Variants in ADGRB3 observed in about 807,000 individuals in gnomAD.
The protein encoded by ADGRB3 is brain-specific angiogenesis inhibitor 3.
In ADGRB3, 37 loss-of-function variants were observed where a neutral mutation model predicts 193.4. That is an observed-to-expected ratio of 0.19 (90% CI 0.15 to 0.25). The LOEUF (loss-of-function observed/expected upper bound fraction) is 0.25, where lower values mean the gene tolerates loss of function less well. Ranked by LOEUF, ADGRB3 falls within the 10% of genes least tolerant of loss-of-function variation. ADGRB3 has a pLI of 1.00. For synonymous variants in ADGRB3, 690 were observed against 644.2 expected (o/e 1.07, Z -1.08); for missense variants, 1,637 against 1,852.9 (o/e 0.88, Z 2.14).
chr6:69,105,576 C>T (rs1014202585), intron 17 of ADGRB3, among the ~76,000 whole-genome samples: 3 of 152,206 alleles, frequency 2.0e-5, no homozygotes, highest in Non-Finnish European at 4.4e-5. Context: ...TCTTACCTCT[C>T]CCCAAACTCC....
At chr6:69,032,883 T>C (rs868818489) in intron 13 of ADGRB3, among the ~76,000 whole-genome samples, 56 of 152,108 alleles carry the variant, frequency 3.7e-4, no homozygotes, top group African/African-American at 1.4e-3. Context: ...CTCTCCTGTA[T>C]AGTTGTCAAG....
At chr6:68,846,688 A>G (rs187612002) in intron 3 of ADGRB3, among the ~76,000 whole-genome samples, 3 of 152,238 alleles carry the variant, frequency 2.0e-5, no homozygotes, top group African/African-American at 7.2e-5. Context: ...AGCTCCACCT[A>G]GATTTCAGAA....
chr6:69,322,537 T>C (rs1488666319), intron 20 of ADGRB3, among the ~76,000 whole-genome samples: 1 of 151,930 alleles, frequency 6.6e-6, no homozygotes, highest in Non-Finnish European at 1.5e-5. Context: ...TTTTTACTAA[T>C]AGCCATTCTG....
In ADGRB3 at chr6:69,001,523, A is replaced by C. The variant is rs967234381; in HGVS notation, c.1929+7561A>C. Among the ~76,000 whole-genome samples, 7 of 152,220 alleles carry C rather than the reference A, an allele frequency of 4.6e-5. No individual in the cohort carries two copies. The South Asian group carries it at 8.3e-4, about 18-fold the overall frequency. ...GAAAGAGTGGGGAAGGAGGGGGAAT[A>C]AGCCCATGGAGGTGCTATGGCAGTG... On this transcript the variant is annotated intron_variant, in intron 11 of 31. Transcript: ENST00000370598.
chr6:68,842,621 T>C (rs1768181299), intron 3 of ADGRB3, among the ~76,000 whole-genome samples: 1 of 151,962 alleles, frequency 6.6e-6, no homozygotes, highest in South Asian at 2.1e-4. Flanking sequence ...CTACTCAAAC[T>C]AGTTTTGCAA....
chr6:69,199,404 A>G (rs1423414974), intron 17 of ADGRB3, among the ~76,000 whole-genome samples: 1 of 152,102 alleles, frequency 6.6e-6, no homozygotes, highest in Non-Finnish European at 1.5e-5. Context: ...GATAGTAGTA[A>G]TAATCTGCAT....
Position 68,785,576 on chromosome 6 carries a change from T to C in ADGRB3, c.758-144983T>C, listed in dbSNP as rs922332148. ...TATCGTTGTTGGACATTTGAGTTGGTTCCAAGTCTTTGCTATTGTGAATAG... is the reference window on the plus strand; with the variant it reads ...TATCGTTGTTGGACATTTGAGTTGGCTCCAAGTCTTTGCTATTGTGAATAG... On this transcript the variant is annotated intron_variant, in intron 3 of 31. Coordinates refer to ENST00000370598, the MANE Select transcript of ADGRB3 (RefSeq NM_001704.3). Among the ~76,000 whole-genome samples, 59 of 152,080 alleles carry C rather than the reference T, an allele frequency of 3.9e-4. 1 individual carries two copies. Among genetic ancestry groups the C allele is most frequent in the Non-Finnish European group, 5.9e-5 (4 of 68,020 alleles).
At chr6:68,639,650 C>T (rs1768036432) in intron 3 of ADGRB3, among the ~76,000 whole-genome samples, 2 of 152,104 alleles carry the variant, frequency 1.3e-5, no homozygotes, top group South Asian at 4.1e-4. Flanking sequence ...GCAGCATGCG[C>T]TGGAAGTGAG....
chr6:69,081,426 T>C (rs1015821862), intron 17 of ADGRB3, among the ~76,000 whole-genome samples: 3 of 151,994 alleles, frequency 2.0e-5, no homozygotes, highest in African/African-American at 7.2e-5. Context: ...AAATGTTTGC[T>C]TCTGTTTGCA....
intron 13 of ADGRB3, among the ~76,000 whole-genome samples, chr6:69,047,068 C>T (rs1206362309): frequency 6.6e-6 from 1 of 152,088 alleles, no homozygotes; most frequent in East Asian, 1.9e-4. Context: ...ACCATGTTAG[C>T]CAGGATGGTC....
At chr6:68,725,040 C>T (rs1765649243) in intron 3 of ADGRB3, among the ~76,000 whole-genome samples, 1 of 151,568 alleles carries the variant, frequency 6.6e-6, no homozygotes, top group African/African-American at 2.4e-5. Flanking sequence ...CACCACCAAC[C>T]ACATTTGGGG....
At chr6:69,251,997 T>C (rs1234276820) in intron 20 of ADGRB3, among the ~76,000 whole-genome samples, 4 of 152,144 alleles carry the variant, frequency 2.6e-5, no homozygotes, top group African/African-American at 4.8e-5. Flanking sequence ...ATGTAACCAA[T>C]ACCTGATCAA....
chr6:68,670,849 A>C (rs1229070960), intron 3 of ADGRB3, among the ~76,000 whole-genome samples: 1 of 152,048 alleles, frequency 6.6e-6, no homozygotes, highest in African/African-American at 2.4e-5. Context: ...TGCTTTGAGT[A>C]GTATGGACAT....
chr6:69,243,144 G>A (rs1317040460), intron 20 of ADGRB3, among the ~76,000 whole-genome samples: 1 of 151,742 alleles, frequency 6.6e-6, no homozygotes, highest in Non-Finnish European at 1.5e-5. Context: ...GGTTAGATAA[G>A]GATAACCACC....
rs1334927624 is a variant in ADGRB3, at chr6:69,384,950, CT to C, written c.4380+2019del. 5.6e-5 allele frequency among the ~76,000 whole-genome samples: 6 copies of C among 107,532 alleles called. No individual in the cohort carries two copies. In the South Asian group the frequency reaches 2.2e-3, roughly 39 times the overall value. 70.5% of individuals were successfully genotyped at this position (107,532 alleles called of 152,430 possible). The stretch of plus-strand genomic sequence containing the variant: ...TAAAACCTCAAATAAAGGGGTTTTT[CT>C]TTTCTTTTCTTTTTTTTTTTTTCCG... On this transcript the variant is annotated intron_variant, in intron 31 of 31. Transcript: ENST00000370598.
At chr6:69,079,264 C>T (rs747615882) in intron 17 of ADGRB3, among the ~76,000 whole-genome samples, 2 of 152,008 alleles carry the variant, frequency 1.3e-5, no homozygotes, top group Non-Finnish European at 2.9e-5. Context: ...TTGTATGTGA[C>T]AGATGAAATA....
intron 15 of ADGRB3, among the ~76,000 whole-genome samples, chr6:69,061,852 C>T (rs139468186): frequency 7.6e-4 from 43 of 56,392 alleles, no homozygotes; most frequent in Middle Eastern, 9.4e-3. Flanking sequence ...CTTGAGAAAA[C>T]TGTTTAGGGT....
intron 3 of ADGRB3, among the ~76,000 whole-genome samples, chr6:68,790,185 C>T: frequency 6.6e-6 from 1 of 152,256 alleles, no homozygotes; most frequent in African/African-American, 2.4e-5. Flanking sequence ...ACCAGGGTAT[C>T]CTTGTTTCTG....
intron 3 of ADGRB3, among the ~76,000 whole-genome samples, chr6:68,818,843 CTCTT>C (rs1421602752): frequency 6.6e-6 from 1 of 152,084 alleles, no homozygotes; most frequent in African/African-American, 2.4e-5. Flanking sequence ...TAGTCTTTCT[CTCTT>C]TCAAATTCAG....
Sources: gnomAD v4.1 joint callset for allele counts (sites outside exome capture counted in the v4.1 genomes callset) on GRCh38, gnomAD v4.1.1 for gene constraint, MANE v1.5 for transcripts, NCBI Gene and HGNC (gene_info 2026-07-23, HGNC 2026-07-21) for gene names.